The following MYO5C variants were observed in gnomAD, a reference collection of about 807,000 sequenced individuals.
MYO5C encodes unconventional myosin-Vc.
A neutral mutation model predicts 235.7 loss-of-function variants in MYO5C; 194 were observed. The ratio of observed to expected loss-of-function variants is 0.82; its 90% CI spans 0.73 to 0.93. The LOEUF (loss-of-function observed/expected upper bound fraction) is 0.93. Ranked by LOEUF, MYO5C falls within the 40% of genes least tolerant of loss-of-function variation. The pLI, the probability that MYO5C is intolerant of heterozygous loss-of-function variation, is 0.00. For synonymous variants in MYO5C, 707 were observed against 754.8 expected (o/e 0.94, Z 1.04); for missense variants, 2,038 against 2,127.2 (o/e 0.96, Z 0.82).
chr15:52,275,521 T>C (rs1566990792), intron 5 of MYO5C, 41 bp downstream of exon 5: 1 of 1,611,092 alleles, frequency 6.2e-7, no homozygotes, highest in Non-Finnish European at 8.5e-7. Flanking sequence ...AACCCCCATT[T>C]CCATCACCAA....
intron 1 of MYO5C, among the ~76,000 whole-genome samples, chr15:52,287,651 C>T (rs2037303286): frequency 2.0e-5 from 3 of 152,154 alleles, no homozygotes; most frequent in Admixed American, 2.0e-4. Flanking sequence ...GTTTGTCAAA[C>T]TCCTTTTTAG....
chr15:52,282,519 C>T (rs187616571), intron 2 of MYO5C, among the ~76,000 whole-genome samples: 2 of 152,340 alleles, frequency 1.3e-5, no homozygotes, highest in East Asian at 1.9e-4. Context: ...AATGCAGTGC[C>T]GTGGCACAGA....
chr15:52,276,788 T>C (rs985567406), intron 4 of MYO5C, among the ~76,000 whole-genome samples: 27 of 152,322 alleles, frequency 1.8e-4, no homozygotes, highest in African/African-American at 6.0e-4. Context: ...TGCTCTGTTA[T>C]ATAATTTAGA....
chr15:52,258,173 T>G (rs1392088411), intron 10 of MYO5C, among the ~76,000 whole-genome samples: 2 of 152,184 alleles, frequency 1.3e-5, no homozygotes, highest in African/African-American at 4.8e-5. Flanking sequence ...TTAGGACCCA[T>G]GGAAAGACCT....
intron 30 of MYO5C, 144 bp downstream of exon 30, chr15:52,221,018 A>C (rs1596153572): frequency 4.8e-6 from 3 of 618,592 alleles, no homozygotes; most frequent in Admixed American, 3.0e-5. Context: ...ATATCTTTCA[A>C]CTAGCCCCCT....
At chr15:52,290,449 A>ACTG (rs2037363457) in intron 1 of MYO5C, among the ~76,000 whole-genome samples, 1 of 152,118 alleles carries the variant, frequency 6.6e-6, no homozygotes, top group Non-Finnish European at 1.5e-5. Context: ...GGGGCCCTGG[A>ACTG]CTGCTAGTCA....
intron 24 of MYO5C, among the ~76,000 whole-genome samples, chr15:52,232,248 G>GGAGA (rs796582941): frequency 8.4e-6 from 1 of 118,924 alleles, no homozygotes; most frequent in African/African-American, 3.3e-5. Context: ...AAAGAAGGAA[G>GGAGA]GAGAGAAGGA....
At chr15:52,254,358 G>A (rs911171026) in intron 11 of MYO5C, among the ~76,000 whole-genome samples, 8 of 152,290 alleles carry the variant, frequency 5.3e-5, no homozygotes, top group Non-Finnish European at 1.2e-4. Context: ...GAAGAGGAGC[G>A]AAGAGGTCAG....
rs368716562 is a variant in MYO5C at position 52,205,949 on chromosome 15, A to G, written c.4404T>C (p.Asn1468=). Residue 1468 remains asparagine, a synonymous_variant, in exon 37 of 41, where the codon AAT becomes AAC. Transcript: ENST00000261839. ...YSGEEEFMKH[N]SPQQNKNCLN... is the part of the protein sequence containing the mutation. ...AGCAATTCTTATTCTGCTGTGGACT[A>G]TTATGCTTCATGAATTCCTAAAAGT... 2.6e-6 allele frequency: 4 copies of G among 1,558,430 alleles called. No individual in the cohort carries two copies. Among genetic ancestry groups the G allele is most frequent in the African/African-American group, 2.7e-5 (2 of 73,380 alleles).
At chr15:52,285,693 G>T (rs1241054587) in intron 1 of MYO5C, among the ~76,000 whole-genome samples, 2 of 152,240 alleles carry the variant, frequency 1.3e-5, no homozygotes, top group Admixed American at 6.5e-5. Context: ...CTGGTCTCCA[G>T]CTCCGAACCA....
In MYO5C at chr15:52,279,013, G is replaced by T; in HGVS notation, c.309C>A (p.Ile103=). 2 of 1,611,194 alleles carry T rather than the reference G, an allele frequency of 1.2e-6. No homozygotes were observed. The highest frequency in any genetic ancestry group is 1.7e-5 in the Admixed American group (1 of 59,892). ...TGTAAGGATTCATGGCCACCAAAAT[G>T]ATTCCTGGGGAAAGATGTTAGATGC... is the stretch of plus-strand genomic sequence containing the variant. ...ESKLIYTYSG[I]ILVAMNPYKQ... Residue 103 remains isoleucine (I), a synonymous_variant, in exon 4 of 41, where the codon ATC becomes ATA. Coordinates refer to ENST00000261839, the MANE Select transcript of MYO5C (RefSeq NM_018728.4).
chr15:52,227,115 A>C (rs2035840883), intron 25 of MYO5C, among the ~76,000 whole-genome samples: 1 of 150,470 alleles, frequency 6.6e-6, no homozygotes, highest in Non-Finnish European at 1.5e-5. Flanking sequence ...GTGCCATTGC[A>C]CTCCAGCCTG....
chr15:52,247,256 AGCGTG>A (rs1170751526), intron 15 of MYO5C, among the ~76,000 whole-genome samples, 197 bp downstream of exon 15: 1 of 152,176 alleles, frequency 6.6e-6, no homozygotes, highest in Non-Finnish European at 1.5e-5. Flanking sequence ...ATTGTGCAAG[AGCGTG>A]GTTTGCTCCA....
rs112251042 is a variant in MYO5C, at chr15:52,226,938, A to C, written c.3208-1406T>G. Reference sequence around the variant, plus strand: ...TAGTGCGGGTGGATCACCTGAGGTCAGGACTTCAGGACCAGCCTGGCCAAC... The same window carrying C: ...TAGTGCGGGTGGATCACCTGAGGTCCGGACTTCAGGACCAGCCTGGCCAAC... On this transcript the variant is annotated intron_variant, in intron 25 of 40. Coordinates refer to ENST00000261839, the MANE Select transcript of MYO5C (RefSeq NM_018728.4). Among the ~76,000 whole-genome samples, 752 of 152,230 alleles carry C rather than the reference A, an allele frequency of 4.9e-3. 2 individuals carry two copies. Among genetic ancestry groups the C allele is most frequent in the African/African-American group, 0.017 (702 of 41,564 alleles).
chr15:52,258,391 G>A (rs750187192), intron 10 of MYO5C, among the ~76,000 whole-genome samples: 2 of 152,238 alleles, frequency 1.3e-5, no homozygotes, highest in East Asian at 1.9e-4. Flanking sequence ...GGTATGCTAC[G>A]GAGCTCATTC....
chr15:52,223,776 T>C, intron 28 of MYO5C, 52 bp from the exon 29 acceptor site: 1 of 1,539,438 alleles, frequency 6.5e-7, no homozygotes, highest in African/African-American at 1.4e-5. Flanking sequence ...TTCTGTTTTA[T>C]GGACTGCTGG....
intron 25 of MYO5C, among the ~76,000 whole-genome samples, chr15:52,226,724 T>C (rs533525254): frequency 1.3e-5 from 2 of 152,376 alleles, no homozygotes; most frequent in East Asian, 1.9e-4. Context: ...CTCAGGACTA[T>C]CCAAATCCTG....
chr15:52,272,288 AGTTTTC>A (rs2036940919), intron 6 of MYO5C, among the ~76,000 whole-genome samples: 1 of 152,200 alleles, frequency 6.6e-6, no homozygotes. Context: ...TATTTCAAAC[AGTTTTC>A]GTACTCTAGA....
chr15:52,280,110 T>G (rs906997330), intron 2 of MYO5C, among the ~76,000 whole-genome samples: 1 of 152,228 alleles, frequency 6.6e-6, no homozygotes, highest in African/African-American at 2.4e-5. Context: ...ATGCTGCAGC[T>G]AAAATGACAC....
Sources: allele counts gnomAD v4.1 joint callset (sites outside exome capture counted in the v4.1 genomes callset), GRCh38; gene constraint gnomAD v4.1.1; transcripts MANE v1.5; gene names NCBI Gene and HGNC (gene_info 2026-07-23, HGNC 2026-07-21).